ADAM10: variants seen among roughly 807,000 people sequenced by gnomAD.
The protein encoded by ADAM10 is ADAM metallopeptidase domain 10, also known as disintegrin and metalloproteinase domain-containing protein 10.
A neutral mutation model predicts 90.1 loss-of-function variants in ADAM10; 17 were observed. The ratio of observed to expected loss-of-function variants is 0.19; its 90% CI spans 0.13 to 0.28. The LOEUF (loss-of-function observed/expected upper bound fraction) is 0.28, where lower values mean the gene tolerates loss of function less well. ADAM10 is among the 10% of genes least tolerant of loss of function. The pLI is 1.00. For synonymous variants in ADAM10, 310 were observed against 298.6 expected, an observed-to-expected ratio of 1.04 and a Z score of -0.40; for missense variants, 610 against 914.3, an observed-to-expected ratio of 0.67 and a Z score of 4.29.
intron 2 of ADAM10, among the ~76,000 whole-genome samples, chr15:58,683,294 A>G (rs1175427246): frequency 6.6e-6 from 1 of 152,112 alleles, no homozygotes; most frequent in Non-Finnish European, 1.5e-5. Flanking sequence ...TTACATATAC[A>G]TGTTTTGCAG....
chr15:58,634,542 A>G (rs1468991091), intron 8 of ADAM10, among the ~76,000 whole-genome samples: 1 of 152,214 alleles, frequency 6.6e-6, no homozygotes, highest in Non-Finnish European at 1.5e-5. Flanking sequence ...TCACAGCTAA[A>G]ATCAATTAAG....
intron 8 of ADAM10, among the ~76,000 whole-genome samples, 175 bp downstream of exon 8, chr15:58,640,602 C>G (rs1220587536): frequency 1.3e-5 from 2 of 152,116 alleles, no homozygotes; most frequent in African/African-American, 2.4e-5. Flanking sequence ...ATAAAAAGCT[C>G]CTTCATCTAT....
intron 8 of ADAM10, among the ~76,000 whole-genome samples, chr15:58,639,699 GAAGAAA>G (rs1896363120): frequency 6.6e-6 from 1 of 151,880 alleles, no homozygotes; most frequent in Non-Finnish European, 1.5e-5. Flanking sequence ...TTAAAACATA[GAAGAAA>G]AACAAAAGAA....
At chr15:58,739,249 G>A (rs1163869081) in intron 1 of ADAM10, among the ~76,000 whole-genome samples, 17 of 151,892 alleles carry the variant, frequency 1.1e-4, no homozygotes, top group African/African-American at 2.9e-4. Context: ...GCTCACGCCT[G>A]TAATCCCAGC....
intron 1 of ADAM10, among the ~76,000 whole-genome samples, chr15:58,738,067 T>C (rs183633570): frequency 6.6e-6 from 1 of 152,312 alleles, no homozygotes; most frequent in African/African-American, 2.4e-5. Context: ...TGAGAGGATA[T>C]AAGAGTAAGC....
intron 2 of ADAM10, among the ~76,000 whole-genome samples, chr15:58,712,723 G>A (rs1370018632): frequency 1.3e-5 from 2 of 152,020 alleles, no homozygotes; most frequent in Non-Finnish European, 2.9e-5. Context: ...CTACTCAGGA[G>A]GCTGAGGCAG....
In ADAM10 at chr15:58,646,097, C is replaced by A. The variant is rs1489979222; in HGVS notation, c.693G>T (p.Leu231Phe). The A allele has an allele frequency of 6.2e-7, 1 of 1,613,706 alleles. No homozygotes were observed. Among genetic ancestry groups the A allele is most frequent in the Admixed American group, 1.7e-5 (1 of 60,014 alleles). The change falls in exon 6 of 16, where the codon TTG (leucine) becomes TTT (phenylalanine). Residue 231 changes from leucine (L) to phenylalanine (F), a missense_variant. Physicochemically the swap from Leu to Phe is conservative, Grantham distance 22. This residue lies in a region of ADAM10 where 310 missense variants were observed against 362.4 expected (regional missense o/e 0.86). Coordinates refer to ENST00000260408, the MANE Select transcript of ADAM10 (RefSeq NM_001110.4). ...TCQLYIQTDH[L>F]FFKYYGTREA... is the part of the protein sequence containing the mutation. Reference sequence around the variant, plus strand: ...CTCGTGTTCCGTAATATTTAAAGAACAAATGATCAGTCTGAATATAAAGCT... The same window carrying A: ...CTCGTGTTCCGTAATATTTAAAGAAAAAATGATCAGTCTGAATATAAAGCT...
At chr15:58,659,807 C>T (rs927259797) in intron 5 of ADAM10, among the ~76,000 whole-genome samples, 1 of 152,172 alleles carries the variant, frequency 6.6e-6, no homozygotes, top group Non-Finnish European at 1.5e-5. Context: ...CGGCTCACTG[C>T]AAGCTCCGCC....
chr15:58,703,225 A>T (rs1898179832), intron 2 of ADAM10, among the ~76,000 whole-genome samples: 1 of 151,900 alleles, frequency 6.6e-6, no homozygotes, highest in South Asian at 2.1e-4. Flanking sequence ...CAACAGTCAG[A>T]AAAACTGCAG....
chr15:58,726,764 G>A (rs1458292899), intron 1 of ADAM10, among the ~76,000 whole-genome samples: 6 of 151,434 alleles, frequency 4.0e-5, no homozygotes, highest in Admixed American at 3.3e-4. Context: ...ACTCAGGAGA[G>A]TGAGGTGGGA....
At chr15:58,664,792 C>T (rs1285116018) in intron 5 of ADAM10, among the ~76,000 whole-genome samples, 1 of 152,046 alleles carries the variant, frequency 6.6e-6, no homozygotes, top group Non-Finnish European at 1.5e-5. Context: ...AGTGGTCACT[C>T]TAATTTTAAT....
At chr15:58,619,811 A>G (rs554103522) in intron 11 of ADAM10, among the ~76,000 whole-genome samples, 2 of 151,758 alleles carry the variant, frequency 1.3e-5, no homozygotes, top group South Asian at 2.1e-4. Flanking sequence ...GGCTGAGGCA[A>G]GAGAATGGCG....
rs1314187230 is a variant in ADAM10, at chr15:58,621,587, T to G, written c.1395A>C (p.Val465=). ...SGQPICGNGM[V]EQGEECDCGY... ...CACAATCACATTCTTCACCTTGTTC[T>G]ACCATTCCATTTCCACAAATAGGTT... The change falls in exon 11 of 16, where the codon GTA becomes GTC. Residue 465 remains valine (V), a synonymous_variant. Coordinates refer to ENST00000260408, the MANE Select transcript of ADAM10 (RefSeq NM_001110.4). 6.2e-7 allele frequency: 1 copy of G among 1,614,042 alleles called. No individual in the cohort carries two copies. The highest frequency in any genetic ancestry group is 1.3e-5 in the African/African-American group (1 of 74,950).
Position 58,718,885 on chromosome 15 carries a change from G to A in ADAM10, c.56-1158C>T, listed in dbSNP as rs570255816. Among the ~76,000 whole-genome samples the A allele has an allele frequency of 5.3e-5, 8 of 152,242 alleles. No individual in the cohort carries two copies. In the East Asian group the frequency reaches 1.4e-3, roughly 26 times the overall value. On this transcript the variant is annotated intron_variant, in intron 1 of 15. Coordinates refer to ENST00000260408, the MANE Select transcript of ADAM10 (RefSeq NM_001110.4). ...CCCTCAGCTTCATCTCTTCAACTGAGGAAGTTCCCTGGACTCTACCTAGGT... is the reference window on the plus strand; with the variant it reads ...CCCTCAGCTTCATCTCTTCAACTGAAGAAGTTCCCTGGACTCTACCTAGGT...
intron 2 of ADAM10, among the ~76,000 whole-genome samples, chr15:58,688,438 C>A (rs1435499376): frequency 1.7e-5 from 2 of 115,754 alleles, no homozygotes; most frequent in Non-Finnish European, 1.6e-5. Flanking sequence ...TTAAAAACCA[C>A]AAACTATTAA....
chr15:58,617,124 A>T (rs1027612431), intron 11 of ADAM10, among the ~76,000 whole-genome samples: 6 of 152,046 alleles, frequency 3.9e-5, no homozygotes, highest in Admixed American at 6.5e-5. Flanking sequence ...ATAAAAAAAT[A>T]AAAAAATAAA....
chr15:58,622,105 T>G (rs887156158), intron 10 of ADAM10, among the ~76,000 whole-genome samples: 1 of 152,208 alleles, frequency 6.6e-6, no homozygotes, highest in Admixed American at 6.5e-5. Flanking sequence ...AATATGCTGT[T>G]CTTGTCTCAC....
chr15:58,624,099 C>T (rs952143048), intron 10 of ADAM10, among the ~76,000 whole-genome samples: 9 of 151,710 alleles, frequency 5.9e-5, no homozygotes, highest in Admixed American at 5.9e-4. Flanking sequence ...TCCTGGCCAA[C>T]ATGGTAAAAC....
intron 6 of ADAM10, 144 bp from the exon 7 acceptor site, chr15:58,644,122 TA>T: frequency 1.5e-6 from 1 of 661,364 alleles, no homozygotes. Context: ...GACATAAATA[TA>T]AAAAAGATTA....
Sources: allele counts gnomAD v4.1 joint callset (sites outside exome capture counted in the v4.1 genomes callset), GRCh38; gene constraint gnomAD v4.1.1; regional missense constraint gnomAD v4.1.1; transcripts MANE v1.5; gene names NCBI Gene and HGNC (gene_info 2026-07-23, HGNC 2026-07-21).